Variants in NKAIN2 observed in about 807,000 individuals in gnomAD.
NKAIN2 encodes sodium/potassium transporting ATPase interacting 2, also known as sodium/potassium-transporting ATPase subunit beta-1-interacting protein 2.
In NKAIN2, 14 loss-of-function variants were observed where a neutral mutation model predicts 32.6. That is an observed-to-expected ratio of 0.43 (90% CI 0.28 to 0.67). The LOEUF (loss-of-function observed/expected upper bound fraction) is 0.67. Among genes scored for constraint, NKAIN2 ranks in the 30% least tolerant of loss-of-function variants. The pLI is 0.17. For synonymous variants in NKAIN2, 80 were observed against 87.2 expected, an observed-to-expected ratio of 0.92 and a Z score of 0.46; for missense variants, 198 against 258.3, an observed-to-expected ratio of 0.77 and a Z score of 1.60.
At chr6:123,936,238 G>A (rs1776503216) in intron 1 of NKAIN2, among the ~76,000 whole-genome samples, 1 of 152,134 alleles carries the variant, frequency 6.6e-6, no homozygotes. Flanking sequence ...TCCAAAGAAA[G>A]GAACATGCAT....
intron 1 of NKAIN2, among the ~76,000 whole-genome samples, chr6:124,256,056 C>CTTGT (rs1793914632): frequency 6.6e-6 from 1 of 152,148 alleles, no homozygotes. Context: ...CACTCTCTTA[C>CTTGT]AAGGGAAATT....
chr6:124,605,302 C>T (rs1782456970), intron 3 of NKAIN2, among the ~76,000 whole-genome samples: 1 of 151,982 alleles, frequency 6.6e-6, no homozygotes, highest in Non-Finnish European at 1.5e-5. Context: ...TTAACAAGGG[C>T]TTATTGAGCC....
intron 1 of NKAIN2, among the ~76,000 whole-genome samples, chr6:124,198,818 T>C (rs944503693): frequency 2.0e-5 from 3 of 152,124 alleles, no homozygotes; most frequent in South Asian, 2.1e-4. Flanking sequence ...TATCTCCTTG[T>C]AGGGACTCAC....
At chr6:124,203,647 C>G (rs1348924993) in intron 1 of NKAIN2, among the ~76,000 whole-genome samples, 1 of 151,662 alleles carries the variant, frequency 6.6e-6, no homozygotes, top group Non-Finnish European at 1.5e-5. Flanking sequence ...TCCAGTGATT[C>G]ATCTGGAAAT....
intron 4 of NKAIN2, among the ~76,000 whole-genome samples, chr6:124,785,328 C>T (rs950756180): frequency 9.9e-5 from 15 of 152,076 alleles, no homozygotes; most frequent in Non-Finnish European, 4.4e-5. Context: ...CTTATTGGAG[C>T]ATTTTTGCGA....
At chr6:124,437,940 T>C in intron 3 of NKAIN2, 1 of 429,248 alleles carries the variant, frequency 2.3e-6, no homozygotes, top group East Asian at 7.2e-5. Flanking sequence ...TTCTCAATAG[T>C]TATTATTTGT....
intron 3 of NKAIN2, among the ~76,000 whole-genome samples, chr6:124,396,047 C>T (rs1197716299): frequency 6.6e-6 from 1 of 152,092 alleles, no homozygotes; most frequent in East Asian, 1.9e-4. Flanking sequence ...TCTGGTATAA[C>T]TTCCATGGTA....
At chr6:124,424,294 T>C (rs1168517545) in intron 3 of NKAIN2, among the ~76,000 whole-genome samples, 1 of 152,168 alleles carries the variant, frequency 6.6e-6, no homozygotes, top group Non-Finnish European at 1.5e-5. Context: ...TCTAAAGGGG[T>C]ATAATGTGCT....
At chr6:124,146,651 CA>C (rs1201111756) in intron 1 of NKAIN2, among the ~76,000 whole-genome samples, 3 of 152,120 alleles carry the variant, frequency 2.0e-5, no homozygotes, top group African/African-American at 7.2e-5. Context: ...GTGTTATATT[CA>C]CACTGTAGAA....
chr6:124,409,620 A>G (rs540146365), intron 3 of NKAIN2, among the ~76,000 whole-genome samples: 39 of 152,276 alleles, frequency 2.6e-4, no homozygotes, highest in African/African-American at 9.4e-4. Context: ...GGATTTTTGC[A>G]TCAATGTTCA....
intron 3 of NKAIN2, among the ~76,000 whole-genome samples, chr6:124,501,797 C>T (rs1336998237): frequency 6.6e-6 from 1 of 152,132 alleles, no homozygotes; most frequent in Non-Finnish European, 1.5e-5. Context: ...TAGTTTCCCA[C>T]CTCTGGGACA....
chr6:124,418,566 A>T (rs1774604430), intron 3 of NKAIN2, among the ~76,000 whole-genome samples: 1 of 148,062 alleles, frequency 6.8e-6, no homozygotes, highest in Non-Finnish European at 1.5e-5. Flanking sequence ...TATAAAATAT[A>T]TATATAATAT....
At position 124,237,288 on chromosome 6, in the gene NKAIN2, G is replaced by A. The variant is rs1415449879; in HGVS notation, c.55-45717G>A. On this transcript the variant is annotated intron_variant, in intron 1 of 6. Coordinates refer to ENST00000368417, the MANE Select transcript of NKAIN2 (RefSeq NM_001040214.3). Reference sequence around the variant, plus strand: ...GAACTACCACAGAACAATTGAGGAAGGAGGGACTTGGAAAAGTTAGATAAT... The same window carrying A: ...GAACTACCACAGAACAATTGAGGAAAGAGGGACTTGGAAAAGTTAGATAAT... Among the ~76,000 whole-genome samples, 3 of 152,264 alleles carry A rather than the reference G, an allele frequency of 2.0e-5. No homozygotes were observed. The East Asian group carries it at 5.8e-4, about 29-fold the overall frequency.
At chr6:123,861,051 A>G (rs778194464) in intron 1 of NKAIN2, among the ~76,000 whole-genome samples, 1 of 152,158 alleles carries the variant, frequency 6.6e-6, no homozygotes, top group Non-Finnish European at 1.5e-5. Flanking sequence ...GTGGGTCCAC[A>G]TCGATGGGCT....
At chr6:124,044,249 A>G (rs1418905618) in intron 1 of NKAIN2, among the ~76,000 whole-genome samples, 2 of 152,084 alleles carry the variant, frequency 1.3e-5, no homozygotes, top group African/African-American at 2.4e-5. Context: ...AATTAGTTTT[A>G]GGACCAAAAC....
chr6:124,277,351 T>C (rs1234140127), intron 1 of NKAIN2, among the ~76,000 whole-genome samples: 3 of 152,144 alleles, frequency 2.0e-5, no homozygotes, highest in East Asian at 1.9e-4. Context: ...AAATAAGACT[T>C]TGGACTCAAC....
intron 4 of NKAIN2, among the ~76,000 whole-genome samples, chr6:124,717,161 G>A (rs1283546302): frequency 6.6e-6 from 1 of 152,194 alleles, no homozygotes; most frequent in African/African-American, 2.4e-5. Flanking sequence ...CTCATGTTCA[G>A]TTAAAATGGG....
At chr6:124,513,709 T>G (rs1322177625) in intron 3 of NKAIN2, among the ~76,000 whole-genome samples, 1 of 152,140 alleles carries the variant, frequency 6.6e-6, no homozygotes, top group Non-Finnish European at 1.5e-5. Flanking sequence ...AGTAACAGAA[T>G]CACCAAAAGT....
chr6:124,413,742 A>G (rs1476760646), intron 3 of NKAIN2, among the ~76,000 whole-genome samples: 1 of 152,190 alleles, frequency 6.6e-6, no homozygotes, highest in Admixed American at 6.5e-5. Flanking sequence ...GAAAATATAC[A>G]TATCTTTCAG....
Sources: gnomAD v4.1 joint callset for allele counts (sites outside exome capture counted in the v4.1 genomes callset) on GRCh38, gnomAD v4.1.1 for gene constraint, MANE v1.5 for transcripts, NCBI Gene and HGNC (gene_info 2026-07-23, HGNC 2026-07-21) for gene names.